The following CNTNAP2 variants were observed in gnomAD, a reference collection of about 807,000 sequenced individuals.
The protein encoded by CNTNAP2 is contactin associated protein 2.
In CNTNAP2, 98 loss-of-function variants were observed where a neutral mutation model predicts 155.2. The ratio of observed to expected loss-of-function variants is 0.63; its 90% CI spans 0.54 to 0.75. The LOEUF is 0.75. Among genes scored for constraint, CNTNAP2 ranks in the 30% least tolerant of loss-of-function variants. CNTNAP2 has a pLI of 0.00. For missense variants in CNTNAP2, 1,727 were observed against 1,688.1 expected, an observed-to-expected ratio of 1.02 and a Z score of -0.40; for synonymous variants, 651 against 631.2, an observed-to-expected ratio of 1.03 and a Z score of -0.47.
At chr7:146,779,096 G>GC (rs1226783718) in intron 2 of CNTNAP2, among the ~76,000 whole-genome samples, 1 of 152,148 alleles carries the variant, frequency 6.6e-6, no homozygotes, top group Non-Finnish European at 1.5e-5. Context: ...GATGAATCAA[G>GC]CTCTGGTTTC....
chr7:146,684,545 G>T (rs1412549286), intron 1 of CNTNAP2, among the ~76,000 whole-genome samples: 1 of 142,318 alleles, frequency 7.0e-6, no homozygotes, highest in Non-Finnish European at 1.5e-5. Context: ...AACTAAACTA[G>T]AAAATGGTGA....
intron 1 of CNTNAP2, among the ~76,000 whole-genome samples, chr7:146,738,964 A>G (rs1801665201): frequency 6.6e-6 from 1 of 150,452 alleles, no homozygotes; most frequent in Non-Finnish European, 1.5e-5. Flanking sequence ...GATCCTTTGT[A>G]TTTCTGTTGC....
At position 146,509,729 on chromosome 7, in the gene CNTNAP2, T is replaced by C. The variant is rs143595528; in HGVS notation, c.98-264542T>C. Among the ~76,000 whole-genome samples, 976 of 152,236 alleles carry C rather than the reference T, an allele frequency of 6.4e-3. 12 individuals carry two copies. Among genetic ancestry groups the C allele is most frequent in the African/African-American group, 0.022 (926 of 41,566 alleles). On this transcript the variant is annotated intron_variant, in intron 1 of 23. Coordinates refer to ENST00000361727, the MANE Select transcript of CNTNAP2 (RefSeq NM_014141.6). The stretch of plus-strand genomic sequence containing the variant: ...GTACGTCGGCCTTCAGGCTCTCTGC[T>C]TGTGCCTGGAGGTCCCTTACCTGTG...
chr7:147,594,196 G>A (rs985676819), intron 12 of CNTNAP2, among the ~76,000 whole-genome samples: 5 of 138,868 alleles, frequency 3.6e-5, no homozygotes, highest in East Asian at 2.1e-4. Context: ...GCCCAGTCTC[G>A]GCTCACTGCA....
intron 1 of CNTNAP2, among the ~76,000 whole-genome samples, chr7:146,266,325 T>C (rs1799993391): frequency 6.6e-6 from 1 of 152,162 alleles, no homozygotes; most frequent in South Asian, 2.1e-4. Context: ...TTGCTTCTGG[T>C]TTTCTGAGCC....
At position 146,893,627 on chromosome 7, in the gene CNTNAP2, G is replaced by A. The variant is rs148975959; in HGVS notation, c.402+53723G>A. Among the ~76,000 whole-genome samples, 18 of 152,110 alleles carry A rather than the reference G, an allele frequency of 1.2e-4. No homozygotes were observed. The East Asian group carries it at 1.7e-3, about 15-fold the overall frequency. On this transcript the variant is annotated intron_variant, in intron 3 of 23. Coordinates refer to ENST00000361727, the MANE Select transcript of CNTNAP2 (RefSeq NM_014141.6). ...TGACTATTCATCTGTTCTAGCTTCC[G>A]GTCCTGCAAGAAGTTTGGTGAATGA...
At chr7:148,124,526 C>T (rs934406269) in intron 16 of CNTNAP2, among the ~76,000 whole-genome samples, 3 of 152,136 alleles carry the variant, frequency 2.0e-5, no homozygotes, top group African/African-American at 7.2e-5. Flanking sequence ...ACTGCTGGTG[C>T]TGGGAGGCGC....
chr7:147,737,408 C>A (rs905279327), intron 13 of CNTNAP2, among the ~76,000 whole-genome samples: 1 of 152,128 alleles, frequency 6.6e-6, no homozygotes, highest in Non-Finnish European at 1.5e-5. Flanking sequence ...GGGTACCCGG[C>A]CGGGTGAGGT....
chr7:147,065,609 T>G (rs1256051213), intron 4 of CNTNAP2, among the ~76,000 whole-genome samples: 1 of 152,206 alleles, frequency 6.6e-6, no homozygotes, highest in Non-Finnish European at 1.5e-5. Context: ...TCCTCTTATA[T>G]CCTGTCACTT....
intron 3 of CNTNAP2, among the ~76,000 whole-genome samples, chr7:146,919,469 C>G (rs1481200722): frequency 6.6e-6 from 1 of 152,134 alleles, no homozygotes; most frequent in African/African-American, 2.4e-5. Context: ...TGGATCTAGC[C>G]AACCAGTAGA....
In CNTNAP2 at chr7:146,947,575, A is replaced by G. The variant is rs1164203428; in HGVS notation, c.403-96332A>G. On this transcript the variant is annotated intron_variant, in intron 3 of 23. Coordinates refer to ENST00000361727, the MANE Select transcript of CNTNAP2 (RefSeq NM_014141.6). Reference sequence around the variant, plus strand: ...TGTGTGTGTATATATATATATATATACATATATATATATATATATATATGT... The same window carrying G: ...TGTGTGTGTATATATATATATATATGCATATATATATATATATATATATGT... Among the ~76,000 whole-genome samples, 120 of 24,590 alleles carry G rather than the reference A, an allele frequency of 4.9e-3. 1 individual carries two copies. Among genetic ancestry groups the G allele is most frequent in the Admixed American group, 0.014 (25 of 1,754 alleles). 16.1% of individuals were successfully genotyped at this position (24,590 alleles called of 152,430 possible).
intron 10 of CNTNAP2, among the ~76,000 whole-genome samples, chr7:147,462,629 A>C (rs536386064): frequency 1.3e-5 from 2 of 152,274 alleles, no homozygotes; most frequent in Non-Finnish European, 2.9e-5. Context: ...GGCAGTTGTC[A>C]TATACCATAG....
chr7:146,322,049 C>T (rs1420677547), intron 1 of CNTNAP2, among the ~76,000 whole-genome samples: 1 of 151,992 alleles, frequency 6.6e-6, no homozygotes, highest in South Asian at 2.1e-4. Flanking sequence ...TCATAATGGC[C>T]AGGCCACATG....
At chr7:148,398,531 C>T (rs1179284899) in intron 22 of CNTNAP2, among the ~76,000 whole-genome samples, 1 of 152,222 alleles carries the variant, frequency 6.6e-6, no homozygotes, top group Non-Finnish European at 1.5e-5. Context: ...AAGGGTCCAT[C>T]CACAGCCAAA....
chr7:147,169,196 T>C (rs903091262), intron 8 of CNTNAP2, among the ~76,000 whole-genome samples: 3 of 152,172 alleles, frequency 2.0e-5, no homozygotes, highest in African/African-American at 7.2e-5. Flanking sequence ...AACTAATAGA[T>C]CTGAGGTGGT....
At chr7:146,918,240 C>T (rs1372363443) in intron 3 of CNTNAP2, among the ~76,000 whole-genome samples, 1 of 151,800 alleles carries the variant, frequency 6.6e-6, no homozygotes, top group Non-Finnish European at 1.5e-5. Context: ...TCCTGAATAC[C>T]TTGGTTTATT....
intron 10 of CNTNAP2, among the ~76,000 whole-genome samples, chr7:147,398,079 A>G (rs1437337076): frequency 1.3e-5 from 2 of 152,106 alleles, no homozygotes; most frequent in African/African-American, 4.8e-5. Context: ...GAAGTGTTGT[A>G]CTTTCATAGG....
chr7:146,932,386 AC>A (rs1796783675), intron 3 of CNTNAP2, among the ~76,000 whole-genome samples: 1 of 150,238 alleles, frequency 6.7e-6, no homozygotes, highest in Non-Finnish European at 1.5e-5. Flanking sequence ...AAATTCAACA[AC>A]CCTTCATGCT....
chr7:146,850,960 A>G (rs747479257), intron 3 of CNTNAP2, among the ~76,000 whole-genome samples: 1 of 152,014 alleles, frequency 6.6e-6, no homozygotes, highest in Non-Finnish European at 1.5e-5. Context: ...GCGCTTGTAT[A>G]TAAGATGTTG....
Sources: allele counts gnomAD v4.1 joint callset (sites outside exome capture counted in the v4.1 genomes callset), GRCh38; gene constraint gnomAD v4.1.1; transcripts MANE v1.5; gene names NCBI Gene and HGNC (gene_info 2026-07-23, HGNC 2026-07-21).